Variants in CMYA5 observed in about 807,000 individuals in gnomAD.
The protein encoded by CMYA5 is cardiomyopathy associated 5.
In CMYA5, 246 loss-of-function variants were observed where a neutral mutation model predicts 318.9. That is an observed-to-expected ratio of 0.77 (90% CI 0.70 to 0.86). The LOEUF (loss-of-function observed/expected upper bound fraction) is 0.86, where lower values mean the gene tolerates loss of function less well. CMYA5 is among the 40% of genes least tolerant of loss of function. The pLI is 0.00. For synonymous variants in CMYA5, 1,641 were observed against 1,729.5 expected (o/e 0.95, Z 1.27); for missense variants, 4,589 against 4,678.2 (o/e 0.98, Z 0.56).
intron 12 of CMYA5, among the ~76,000 whole-genome samples, chr5:79,796,881 T>C (rs1829285810): frequency 6.6e-6 from 1 of 152,088 alleles, no homozygotes; most frequent in African/African-American, 2.4e-5. Context: ...ATTTAAAAAC[T>C]AGGATATTTT....
intron 1 of CMYA5, among the ~76,000 whole-genome samples, chr5:79,721,226 T>C (rs1827619490): frequency 1.3e-5 from 2 of 151,944 alleles, no homozygotes; most frequent in African/African-American, 4.8e-5. Context: ...CAAGGCTGAG[T>C]GTGGTGGCTC....
intron 1 of CMYA5, among the ~76,000 whole-genome samples, chr5:79,706,037 G>T (rs1282868899): frequency 6.6e-6 from 1 of 152,180 alleles, no homozygotes; most frequent in African/African-American, 2.4e-5. Context: ...CAATGCAACA[G>T]GGCTCTTTCT....
In CMYA5 at chr5:79,689,886, C is replaced by A. The variant is rs1826914812; in HGVS notation, c.-22C>A. 2 of 724,338 alleles carry A rather than the reference C, an allele frequency of 2.8e-6. No homozygotes were observed. The highest frequency in any genetic ancestry group is 1.8e-5 in the African/African-American group (1 of 54,268). The allele number at this position is 724,338 out of a possible 1,614,324, so 44.9% of individuals were successfully genotyped here. On this transcript the variant is annotated 5_prime_UTR_variant, in exon 1 of 13. Transcript: ENST00000446378. ...GCGCGGGCGGCTCCGGCTCCGGCCC[C>A]GGCCCAGGCCCGGGAGAGGCGATGG...
rs774250157 is a variant in CMYA5, at chr5:79,731,413, C to CA, written c.2649dup (p.Asp884ArgfsTer19). 4.8e-5 allele frequency: 77 copies of CA among 1,613,546 alleles called. No homozygotes were observed. The highest frequency in any genetic ancestry group is 1.3e-5 in the African/African-American group (1 of 74,908). On this transcript the variant is annotated frameshift_variant, in exon 2 of 13. Transcript: ENST00000446378. LOFTEE classifies it high-confidence loss of function. The stretch of plus-strand genomic sequence containing the variant: ...ACCCCATCTGAATATGTTGTTCTAT[C>CA]AGACGAAGAGGCAGTCGAGTTGGAA...
chr5:79,750,589 T>C (rs1400917428), intron 5 of CMYA5, among the ~76,000 whole-genome samples: 3 of 152,242 alleles, frequency 2.0e-5, no homozygotes, highest in African/African-American at 7.2e-5. Flanking sequence ...AAGGCAGTGC[T>C]TGTATATTAA....
chr5:79,717,361 A>G (rs1433058560), intron 1 of CMYA5, among the ~76,000 whole-genome samples: 2 of 152,222 alleles, frequency 1.3e-5, no homozygotes, highest in Non-Finnish European at 2.9e-5. Context: ...GAAAGTTTAC[A>G]GTCTTATAAA....
chr5:79,695,927 G>A (rs1305627592), intron 1 of CMYA5, among the ~76,000 whole-genome samples: 1 of 152,116 alleles, frequency 6.6e-6, no homozygotes, highest in Non-Finnish European at 1.5e-5. Context: ...TTGCTGCTTT[G>A]TCTAAACTTT....
intron 9 of CMYA5, among the ~76,000 whole-genome samples, chr5:79,771,206 C>T (rs749343482): frequency 6.6e-6 from 1 of 152,164 alleles, no homozygotes; most frequent in Non-Finnish European, 1.5e-5. Context: ...AGAGGCTACT[C>T]AGCTCGTATT....
chr5:79,718,396 AAT>A lies in CMYA5; in HGVS notation c.150-10514_150-10513del, dbSNP rs541182855. Among the ~76,000 whole-genome samples the A allele has an allele frequency of 4.6e-5, 7 of 152,284 alleles. No homozygotes were observed. In the South Asian group the frequency reaches 1.5e-3, roughly 32 times the overall value. Reference sequence around the variant, plus strand: ...GCTTTCTTGGTGTTTTATGGCTTAAAATATATCTTTCAAAGCTTGTAATATAA... The same window carrying A: ...GCTTTCTTGGTGTTTTATGGCTTAAAATATCTTTCAAAGCTTGTAATATAA... On this transcript the variant is annotated intron_variant, in intron 1 of 12. Coordinates refer to ENST00000446378, the MANE Select transcript of CMYA5 (RefSeq NM_153610.5).
At chr5:79,710,427 A>T (rs1827367657) in intron 1 of CMYA5, among the ~76,000 whole-genome samples, 1 of 151,794 alleles carries the variant, frequency 6.6e-6, no homozygotes, top group Non-Finnish European at 1.5e-5. Context: ...TAGTTTTGAG[A>T]CCAAAAGTTT....
At position 79,730,673 on chromosome 5, in the gene CMYA5, G is replaced by A; in HGVS notation, c.1908G>A (p.Glu636=). 6.2e-7 allele frequency: 1 copy of A among 1,613,940 alleles called. No individual in the cohort carries two copies. Among genetic ancestry groups the A allele is most frequent in the Non-Finnish European group, 8.5e-7 (1 of 1,179,878 alleles). Reference sequence around the variant, plus strand: ...CAGTTTTGTCAGAAGAAGAGAATGAGGAATTTGAGGCTTATTCCCCAGCTG... The same window carrying A: ...CAGTTTTGTCAGAAGAAGAGAATGAAGAATTTGAGGCTTATTCCCCAGCTG... ...EHAVLSEEEN[E]EFEAYSPAAA... Residue 636 remains glutamate, a synonymous_variant, in exon 2 of 13, where the codon GAG becomes GAA. Coordinates refer to ENST00000446378, the MANE Select transcript of CMYA5 (RefSeq NM_153610.5).
In CMYA5 at chr5:79,730,885, CAA is replaced by C. The variant is rs1827878958; in HGVS notation, c.2123_2124del (p.Lys708ArgfsTer8). 1 of 1,613,794 alleles carries C rather than the reference CAA, an allele frequency of 6.2e-7. No individual in the cohort carries two copies. The highest frequency in any genetic ancestry group is 1.3e-5 in the African/African-American group (1 of 74,932). On this transcript the variant is annotated frameshift_variant, in exon 2 of 13. Coordinates refer to ENST00000446378, the MANE Select transcript of CMYA5 (RefSeq NM_153610.5). LOFTEE classifies it high-confidence loss of function. ...GAATATTCAGTTCCATCACTGGCAACAAAAGAGTCACTGAAGAAAACAATTGA... is the reference window on the plus strand; with the variant it reads ...GAATATTCAGTTCCATCACTGGCAACAAGAGTCACTGAAGAAAACAATTGA...
chr5:79,728,370 C>T (rs1473463349), intron 1 of CMYA5, among the ~76,000 whole-genome samples: 1 of 148,568 alleles, frequency 6.7e-6, no homozygotes, highest in African/African-American at 2.5e-5. Context: ...GATTTTAAAG[C>T]AGGGGGTGGC....
chr5:79,730,497 T>C lies in CMYA5; in HGVS notation c.1732T>C (p.Ser578Pro), dbSNP rs564062961. The change falls in exon 2 of 13, where the codon TCT becomes CCT. Residue 578 changes from serine (S) to proline (P), a missense_variant. By Grantham distance (74) the Ser-to-Pro change is moderately conservative. This residue lies in a region of CMYA5 where 2,132 missense variants were observed against 2,131.3 expected (regional missense o/e 1.00). Coordinates refer to ENST00000446378, the MANE Select transcript of CMYA5 (RefSeq NM_153610.5). ...ATCATCTCCTGAACATGTTGCTTTG[T>C]CTGAGGAAGAAAGAGAGGAAATTGC... Reference protein sequence around the residue: ...AASSPEHVALSEEEREEIASV... With the variant: ...AASSPEHVALPEEEREEIASV... The C allele has an allele frequency of 6.2e-7, 1 of 1,613,952 alleles. No individual in the cohort carries two copies. Among genetic ancestry groups the C allele is most frequent in the Admixed American group, 1.7e-5 (1 of 60,020 alleles).
chr5:79,772,224 T>C (rs1828869432), intron 9 of CMYA5, among the ~76,000 whole-genome samples: 1 of 152,178 alleles, frequency 6.6e-6, no homozygotes. Flanking sequence ...TGCCAATCAA[T>C]TCATTTTTAT....
At chr5:79,749,074 C>A (rs370416812) in intron 5 of CMYA5, among the ~76,000 whole-genome samples, 2 of 152,244 alleles carry the variant, frequency 1.3e-5, no homozygotes, top group Admixed American at 6.5e-5. Context: ...ACTCTTTCTT[C>A]GGTTTTGTGC....
chr5:79,719,892 A>T (rs1264423243), intron 1 of CMYA5, among the ~76,000 whole-genome samples: 1 of 152,226 alleles, frequency 6.6e-6, no homozygotes. Context: ...TTTGTCAGAG[A>T]ACTGAAAGCA....
At chr5:79,795,369 T>G (rs948690116) in intron 12 of CMYA5, among the ~76,000 whole-genome samples, 2 of 152,190 alleles carry the variant, frequency 1.3e-5, no homozygotes, top group African/African-American at 4.8e-5. Flanking sequence ...ACATCACTCT[T>G]GATTCTACTC....
rs375867403 is a variant in CMYA5, at chr5:79,736,839, G to T, written c.8074G>T (p.Glu2692Ter). ...AGGCGGTTCAGTAGATATCACAAAA[G>T]AAACTGTGAAACAAGGATTTCAAGA... Reference protein sequence around the residue: ...SKGGSVDITKETVKQGFQEKA... With the variant: ...SKGGSVDITK Residue 2692 changes from glutamate to a stop codon, truncating the protein, a stop_gained, in exon 2 of 13, where the codon GAA becomes TAA. Transcript: ENST00000446378. LOFTEE classifies it high-confidence loss of function. 5.1e-5 allele frequency: 83 copies of T among 1,612,262 alleles called. No homozygotes were observed. The highest frequency in any genetic ancestry group is 7.0e-5 in the Non-Finnish European group (82 of 1,179,620).
Sources: gnomAD v4.1 joint callset for allele counts (sites outside exome capture counted in the v4.1 genomes callset) on GRCh38, gnomAD v4.1.1 for gene constraint, gnomAD v4.1.1 regional missense constraint, MANE v1.5 for transcripts, NCBI Gene and HGNC (gene_info 2026-07-23, HGNC 2026-07-21) for gene names.